Variants in XXYLT1 observed in about 807,000 individuals in gnomAD.
The protein encoded by XXYLT1 is xyloside xylosyltransferase 1.
A neutral mutation model predicts 28.9 loss-of-function variants in XXYLT1; 20 were observed. The observed-to-expected ratio is 0.69, with a 90% CI of 0.49 to 1.00. The LOEUF is 1.00. Ranked by LOEUF, XXYLT1 falls within the 50% of genes least tolerant of loss-of-function variation. The pLI, the probability that XXYLT1 is intolerant of heterozygous loss-of-function variation, is 0.00. For missense variants in XXYLT1, 542 were observed against 560.1 expected (o/e 0.97, Z 0.33); for synonymous variants, 257 against 253.8 (o/e 1.01, Z -0.12).
intron 1 of XXYLT1, among the ~76,000 whole-genome samples, chr3:195,228,295 T>C (rs1035819667): frequency 2.0e-5 from 3 of 148,648 alleles, no homozygotes; most frequent in Admixed American, 6.7e-5. Context: ...CAGTGGCAAG[T>C]GGTGCCCTTG....
chr3:195,205,222 C>T (rs905145607), intron 2 of XXYLT1, among the ~76,000 whole-genome samples: 3 of 152,214 alleles, frequency 2.0e-5, no homozygotes, highest in Non-Finnish European at 4.4e-5. Context: ...GTCCATACAA[C>T]AAAATGCAGC....
intron 2 of XXYLT1, among the ~76,000 whole-genome samples, chr3:195,223,475 G>A (rs75056768): frequency 0.033 from 5,021 of 152,180 alleles, 305 homozygotes; most frequent in African/African-American, 0.11. Flanking sequence ...GGAGAAAAAC[G>A]AATGCTATGA....
chr3:195,131,701 A>G (rs1235962615), intron 3 of XXYLT1, among the ~76,000 whole-genome samples: 1 of 152,218 alleles, frequency 6.6e-6, no homozygotes, highest in East Asian at 1.9e-4. Context: ...GTGATGAGGC[A>G]GGCAGGAGGT....
chr3:195,072,121 A>G (rs1714854690), intron 3 of XXYLT1, among the ~76,000 whole-genome samples: 3 of 152,168 alleles, frequency 2.0e-5, no homozygotes, highest in Admixed American at 2.0e-4. Flanking sequence ...GCAGGGCCAC[A>G]GGAAAGATCA....
intron 1 of XXYLT1, among the ~76,000 whole-genome samples, chr3:195,244,836 ATG>A (rs1486341882): frequency 1.4e-5 from 2 of 140,394 alleles, no homozygotes; most frequent in Non-Finnish European, 3.1e-5. Context: ...CAAATACAAC[ATG>A]AGACTCTGTC....
chr3:195,104,180 T>C (rs1716959926), intron 3 of XXYLT1, among the ~76,000 whole-genome samples: 1 of 148,896 alleles, frequency 6.7e-6, no homozygotes, highest in African/African-American at 2.5e-5. Flanking sequence ...GTGACGGTGA[T>C]GACGGTGATG....
At chr3:195,122,138 AAGGGGTGACAGAGCTCTTC>A (rs1718391306) in intron 3 of XXYLT1, 1 of 702,884 alleles carries the variant, frequency 1.4e-6, no homozygotes. Flanking sequence ...TCATATGGTG[AAGGGGTGACAGAGCTCTTC>A]AGGGTCTCTT....
At chr3:195,117,821 C>T (rs1718127752) in intron 3 of XXYLT1, among the ~76,000 whole-genome samples, 1 of 152,222 alleles carries the variant, frequency 6.6e-6, no homozygotes, top group South Asian at 2.1e-4. Context: ...AGGTCAGTGG[C>T]CATCTCAGTG....
intron 2 of XXYLT1, among the ~76,000 whole-genome samples, chr3:195,178,512 C>A (rs776258940): frequency 6.6e-6 from 1 of 152,218 alleles, no homozygotes; most frequent in Non-Finnish European, 1.5e-5. Flanking sequence ...GGTGCCACTG[C>A]AAACTCAGTG....
intron 3 of XXYLT1, among the ~76,000 whole-genome samples, chr3:195,112,211 C>CA (rs1297437856): frequency 6.6e-6 from 1 of 152,170 alleles, no homozygotes; most frequent in African/African-American, 2.4e-5. Flanking sequence ...GACACCTGGG[C>CA]AAAAGCCTAC....
chr3:195,111,517 G>T (rs1315499002), intron 3 of XXYLT1, among the ~76,000 whole-genome samples: 1 of 152,088 alleles, frequency 6.6e-6, no homozygotes, highest in Non-Finnish European at 1.5e-5. Flanking sequence ...TATCTCTCTG[G>T]CTAGGATGGC....
At chr3:195,087,519 C>T (rs560455186) in intron 3 of XXYLT1, 1 of 152,402 alleles carries the variant, frequency 6.6e-6, no homozygotes, top group East Asian at 1.9e-4. Context: ...GGCAGTCAGG[C>T]TCCCTGCACG....
At chr3:195,111,609 G>C in intron 3 of XXYLT1, among the ~76,000 whole-genome samples, 1 of 152,146 alleles carries the variant, frequency 6.6e-6, no homozygotes, top group African/African-American at 2.4e-5. Context: ...TAAGCAGCAG[G>C]TAAAGGACAC....
At chr3:195,151,998 G>A (rs2108674511) in intron 3 of XXYLT1, among the ~76,000 whole-genome samples, 1 of 152,272 alleles carries the variant, frequency 6.6e-6, no homozygotes, top group Admixed American at 6.5e-5. Context: ...CTGTGTTAGA[G>A]ATATGTATCC....
In XXYLT1 at chr3:195,256,765, C is replaced by T. The variant is rs1332245804; in HGVS notation, c.504+13790G>A. On this transcript the variant is annotated intron_variant, in intron 1 of 3. Transcript: ENST00000310380. This position sits in a 1 kb window ranked among gnomAD's most constrained non-coding sequence, Gnocchi z 4.2. Reference sequence around the variant, plus strand: ...GCCAGGGTCAGAGGAAGACCCAGAACTCAGGATCAATAACATCTGGGCAGG... The same window carrying T: ...GCCAGGGTCAGAGGAAGACCCAGAATTCAGGATCAATAACATCTGGGCAGG... Among the ~76,000 whole-genome samples the T allele has an allele frequency of 6.6e-6, 1 of 152,236 alleles. No individual in the cohort carries two copies. Among genetic ancestry groups the T allele is most frequent in the African/African-American group, 2.4e-5 (1 of 41,458 alleles).
chr3:195,101,252 T>C, intron 3 of XXYLT1, among the ~76,000 whole-genome samples: 1 of 152,272 alleles, frequency 6.6e-6, no homozygotes, highest in East Asian at 1.9e-4. Context: ...ACTTAATTGA[T>C]TGGGAGCAAT....
chr3:195,223,562 CACTCATT>C (rs1335769190), intron 2 of XXYLT1, among the ~76,000 whole-genome samples: 2 of 152,218 alleles, frequency 1.3e-5, no homozygotes, highest in Non-Finnish European at 2.9e-5. Context: ...CACAAAACAA[CACTCATT>C]TCTATGATTA....
chr3:195,222,027 G>A (rs1045736130), intron 2 of XXYLT1, among the ~76,000 whole-genome samples: 3 of 152,194 alleles, frequency 2.0e-5, no homozygotes, highest in Non-Finnish European at 4.4e-5. Context: ...GGTTCTGGGC[G>A]CTCCTGCTCC....
intron 2 of XXYLT1, among the ~76,000 whole-genome samples, chr3:195,203,606 A>T (rs911159993): frequency 6.6e-6 from 1 of 152,144 alleles, no homozygotes; most frequent in Non-Finnish European, 1.5e-5. Context: ...TCTAGCCACC[A>T]CTCAGGCCTT....
Sources: allele counts gnomAD v4.1 joint callset (sites outside exome capture counted in the v4.1 genomes callset), GRCh38; gene constraint gnomAD v4.1.1; non-coding constraint Gnocchi (gnomAD v3.1); transcripts MANE v1.5; gene names NCBI Gene and HGNC (gene_info 2026-07-23, HGNC 2026-07-21).